ASIC2: variants seen among roughly 807,000 people sequenced by gnomAD.
ASIC2 encodes the protein acid-sensing ion channel 2.
Under a neutral mutation model 57.3 loss-of-function variants are expected in ASIC2, and 25 were observed. The ratio of observed to expected loss-of-function variants is 0.44; its 90% CI spans 0.32 to 0.61. The LOEUF (loss-of-function observed/expected upper bound fraction) is 0.61. Among genes scored for constraint, ASIC2 ranks in the 20% least tolerant of loss-of-function variants. The probability of loss-of-function intolerance (pLI) is 0.06; values close to 1 mark genes in which losing one functional copy is unlikely to be tolerated. For synonymous variants in ASIC2, 319 were observed against 307.5 expected, an observed-to-expected ratio of 1.04 and a Z score of -0.39; for missense variants, 641 against 738.1, an observed-to-expected ratio of 0.87 and a Z score of 1.52.
chr17:33,060,959 G>C (rs887415732), intron 3 of ASIC2, among the ~76,000 whole-genome samples: 1 of 152,134 alleles, frequency 6.6e-6, no homozygotes, highest in Non-Finnish European at 1.5e-5. Flanking sequence ...TTGGCTCTCT[G>C]TTTGTCTGTT....
intron 1 of ASIC2, among the ~76,000 whole-genome samples, chr17:33,389,421 ACTT>A (rs1197064753): frequency 1.3e-5 from 2 of 152,228 alleles, no homozygotes; most frequent in African/African-American, 4.8e-5. Flanking sequence ...ATATAGTAAG[ACTT>A]ACAAATGAAT....
intron 1 of ASIC2, among the ~76,000 whole-genome samples, chr17:33,496,826 C>T (rs909395095): frequency 6.6e-6 from 1 of 152,004 alleles, no homozygotes; most frequent in Non-Finnish European, 1.5e-5. Context: ...CCATGTTGGC[C>T]AGGCTGGTCT....
At chr17:33,636,812 C>CA (rs1333017846) in intron 1 of ASIC2, among the ~76,000 whole-genome samples, 1 of 152,040 alleles carries the variant, frequency 6.6e-6, no homozygotes, top group African/African-American at 2.4e-5. Flanking sequence ...TACAACTACT[C>CA]AAACTCCATG....
At chr17:33,874,081 A>G (rs1198183054) in intron 1 of ASIC2, among the ~76,000 whole-genome samples, 1 of 152,196 alleles carries the variant, frequency 6.6e-6, no homozygotes, top group Non-Finnish European at 1.5e-5. Flanking sequence ...CCTAGGTTCT[A>G]ATATTAATCA....
intron 1 of ASIC2, among the ~76,000 whole-genome samples, chr17:33,123,973 G>C (rs2092313296): frequency 6.6e-6 from 1 of 152,230 alleles, no homozygotes; most frequent in South Asian, 2.1e-4. Flanking sequence ...GAAACCAAAT[G>C]ATAGTTTATG....
At chr17:33,752,868 G>A (rs759939895) in intron 1 of ASIC2, among the ~76,000 whole-genome samples, 8 of 152,218 alleles carry the variant, frequency 5.3e-5, no homozygotes, top group Non-Finnish European at 1.2e-4. Context: ...CAATGTTGCA[G>A]CCACTTTGGA....
chr17:33,439,574 C>T (rs1160352049), intron 1 of ASIC2, among the ~76,000 whole-genome samples: 2 of 152,144 alleles, frequency 1.3e-5, no homozygotes, highest in African/African-American at 2.4e-5. Flanking sequence ...AAAGTGTACT[C>T]CATACTCATT....
In ASIC2 at chr17:33,079,113, C is replaced by T. The variant is rs142391491; in HGVS notation, c.987+9750G>A. 1.2e-3 allele frequency among the ~76,000 whole-genome samples: 182 copies of T among 152,248 alleles called. 1 individual carries two copies. The highest frequency in any genetic ancestry group is 4.1e-3 in the African/African-American group (169 of 41,552). On this transcript the variant is annotated intron_variant, in intron 3 of 9. Transcript: ENST00000225823. ...GTCCTCTCTCTCACATTTATTTATT[C>T]GTTCATTTCATCCAATGCAATTTAT... is the stretch of plus-strand genomic sequence containing the variant.
intron 1 of ASIC2, among the ~76,000 whole-genome samples, chr17:34,076,121 G>A (rs1909641012): frequency 6.6e-6 from 1 of 151,996 alleles, no homozygotes; most frequent in African/African-American, 2.4e-5. Flanking sequence ...TCCTGCCTCA[G>A]CCTTGCGAGT....
intron 1 of ASIC2, among the ~76,000 whole-genome samples, chr17:33,279,046 T>C (rs899648052): frequency 6.6e-6 from 1 of 152,252 alleles, no homozygotes; most frequent in African/African-American, 2.4e-5. Context: ...AGATGATTTA[T>C]ATGGAAGAGT....
chr17:33,941,720 A>G (rs1243175483), intron 1 of ASIC2, among the ~76,000 whole-genome samples: 1 of 152,204 alleles, frequency 6.6e-6, no homozygotes, highest in African/African-American at 2.4e-5. Flanking sequence ...GAAAGAATAA[A>G]GGAATGAAAA....
rs1467738847 is a variant in ASIC2, at chr17:33,482,767, A to T, written c.556-370700T>A. On this transcript the variant is annotated intron_variant, in intron 1 of 9. Transcript: ENST00000359872. ...TTCCCACACTACCCCATCACCCCCA[A>T]TGCCAACCTTCCCAGGCAGGCCCTG... is the stretch of plus-strand genomic sequence containing the variant. Among the ~76,000 whole-genome samples the T allele has an allele frequency of 3.3e-5, 5 of 152,232 alleles. No individual in the cohort carries two copies. In the South Asian group the frequency reaches 6.2e-4, roughly 19 times the overall value.
At chr17:33,444,843 T>G (rs996778463) in intron 1 of ASIC2, among the ~76,000 whole-genome samples, 1 of 152,150 alleles carries the variant, frequency 6.6e-6, no homozygotes, top group Non-Finnish European at 1.5e-5. Context: ...TCCTAATACT[T>G]AAAAGTCGAC....
intron 1 of ASIC2, among the ~76,000 whole-genome samples, chr17:33,672,097 T>G (rs1486321693): frequency 6.6e-6 from 1 of 152,044 alleles, no homozygotes. Context: ...AAATGAAAAA[T>G]AAACCTCCCG....
At chr17:33,891,501 T>C (rs1035229304) in intron 1 of ASIC2, among the ~76,000 whole-genome samples, 1 of 152,332 alleles carries the variant, frequency 6.6e-6, no homozygotes, top group South Asian at 2.1e-4. Context: ...TGGAGGATAC[T>C]ACATCATAAC....
intron 1 of ASIC2, among the ~76,000 whole-genome samples, chr17:33,746,915 A>G (rs1910284453): frequency 6.6e-6 from 1 of 152,238 alleles, no homozygotes; most frequent in South Asian, 2.1e-4. Flanking sequence ...ACAAATATGT[A>G]GAAAGTAAGC....
intron 1 of ASIC2, among the ~76,000 whole-genome samples, chr17:33,875,294 C>G (rs1238755759): frequency 2.0e-5 from 3 of 152,166 alleles, no homozygotes; most frequent in African/African-American, 4.8e-5. Context: ...ATAGAAGTCC[C>G]CCTGATGGAT....
At chr17:33,535,949 T>C (rs539234392) in intron 1 of ASIC2, among the ~76,000 whole-genome samples, 1 of 152,274 alleles carries the variant, frequency 6.6e-6, no homozygotes, top group South Asian at 2.1e-4. Context: ...GTATTTGATA[T>C]AGCAGCCAGC....
intron 1 of ASIC2, among the ~76,000 whole-genome samples, chr17:33,346,180 T>C (rs867587387): frequency 3.8e-5 from 5 of 129,874 alleles, no homozygotes; most frequent in African/African-American, 1.2e-4. Flanking sequence ...TGAACCGAGA[T>C]TGTGCCACTG....
Sources: gnomAD v4.1 joint callset for allele counts (sites outside exome capture counted in the v4.1 genomes callset) on GRCh38, gnomAD v4.1.1 for gene constraint, MANE v1.5 for transcripts, NCBI Gene and HGNC (gene_info 2026-07-23, HGNC 2026-07-21) for gene names.